IL18RAP: variants seen among roughly 807,000 people sequenced by gnomAD.
IL18RAP encodes the protein interleukin-18 receptor accessory protein.
IL18RAP carries 37 observed loss-of-function variants against 58.1 expected under a neutral mutation model. The observed-to-expected ratio is 0.64, with a 90% CI of 0.49 to 0.84. IL18RAP has a LOEUF of 0.84. Ranked by LOEUF, IL18RAP falls within the 40% of genes least tolerant of loss-of-function variation. The probability of loss-of-function intolerance (pLI) is 0.00; values close to 1 mark genes in which losing one functional copy is unlikely to be tolerated. For missense variants in IL18RAP, 667 were observed against 704.8 expected (o/e 0.95, Z 0.61); for synonymous variants, 268 against 257.5 (o/e 1.04, Z -0.39).
At chr2:102,429,485 T>A (rs1402958132) in intron 3 of IL18RAP, among the ~76,000 whole-genome samples, 1 of 152,112 alleles carries the variant, frequency 6.6e-6, no homozygotes, top group East Asian at 1.9e-4. Flanking sequence ...TAAGAGTTTG[T>A]TAATTTTGTT....
At chr2:102,443,388 T>C in intron 6 of IL18RAP, 65 bp downstream of exon 6, 1 of 1,566,200 alleles carries the variant, frequency 6.4e-7, no homozygotes, top group Non-Finnish European at 8.6e-7. Flanking sequence ...CCTTTAGAAA[T>C]GCCTAAAGTA....
At chr2:102,421,684 G>A (rs1377414023), upstream of IL18RAP, among the ~76,000 whole-genome samples, 1 of 152,188 alleles carries the variant, frequency 6.6e-6, no homozygotes, top group Non-Finnish European at 1.5e-5. Flanking sequence ...GCATTGCACA[G>A]AACCCCCTTT....
In IL18RAP at chr2:102,450,983, G is replaced by T; in HGVS notation, c.1346G>T (p.Ser449Ile). ...PDVLENKYGYSLCLLERDVAP... is the reference protein window; with the variant it reads ...PDVLENKYGYILCLLERDVAP... ...GTTTTAGAAAACAAATATGGATATA[G>T]CCTGTGTTTGCTTGAAAGAGATGTG... Residue 449 changes from serine (S) to isoleucine (I), a missense_variant, in exon 9 of 10, where the codon AGC (serine) becomes ATC (isoleucine). Transcript: ENST00000687160. 6.2e-7 allele frequency: 1 copy of T among 1,606,762 alleles called. No individual in the cohort carries two copies. The highest frequency in any genetic ancestry group is 1.1e-5 in the South Asian group (1 of 88,454).
rs1443893019 is a variant in IL18RAP at position 102,423,315 on chromosome 2, C to CAAAA, written c.39_40insAAAA (p.Gly14LysfsTer6). The CAAAA allele has an allele frequency of 5.8e-5, 94 of 1,613,924 alleles. No individual in the cohort carries two copies. The highest frequency in any genetic ancestry group is 8.0e-5 in the Non-Finnish European group (94 of 1,179,958). ...GGCTGGATATTTCTTTGGCTTGTTG[C>CAAAA]AGGAGAGCGAATTAAAGGATTTAAT... On this transcript the variant is annotated frameshift_variant, in exon 1 of 10. Transcript: ENST00000687160. LOFTEE classifies it high-confidence loss of function.
chr2:102,423,317 G>A lies in IL18RAP; in HGVS notation c.40G>A (p.Gly14Arg), dbSNP rs1242434668. The A allele has an allele frequency of 5.8e-5, 93 of 1,613,986 alleles. No individual in the cohort carries two copies. The highest frequency in any genetic ancestry group is 7.9e-5 in the Non-Finnish European group (93 of 1,179,974). The part of the protein sequence containing the change: ...LGWIFLWLVA[G>R]ERIKGFNISG... Reference sequence around the variant, plus strand: ...CTGGATATTTCTTTGGCTTGTTGCAGGAGAGCGAATTAAAGGATTTAATAT... The same window carrying A: ...CTGGATATTTCTTTGGCTTGTTGCAAGAGAGCGAATTAAAGGATTTAATAT... Residue 14 changes from glycine (G) to arginine (R), a missense_variant, in exon 1 of 10, where the codon GGA (glycine) becomes AGA (arginine). By Grantham distance (125) the Gly-to-Arg change is moderately radical. Transcript: ENST00000687160.
chr2:102,440,984 G>A (rs1683069091), intron 4 of IL18RAP, among the ~76,000 whole-genome samples: 1 of 152,150 alleles, frequency 6.6e-6, no homozygotes, highest in South Asian at 2.1e-4. Context: ...CAGCCAGATG[G>A]CACCACAAAG....
chr2:102,427,290 T>C (rs1406714237), intron 3 of IL18RAP, among the ~76,000 whole-genome samples: 1 of 152,128 alleles, frequency 6.6e-6, no homozygotes, highest in African/African-American at 2.4e-5. Context: ...TGCTGAATCA[T>C]ATGGTAGCTC....
At chr2:102,433,607 A>G (rs1400336306) in intron 3 of IL18RAP, among the ~76,000 whole-genome samples, 3 of 151,970 alleles carry the variant, frequency 2.0e-5, no homozygotes, top group Admixed American at 2.0e-4. Context: ...GCACTGAGCT[A>G]GAGACTTGGC....
At chr2:102,427,005 A>G (rs1198283764) in intron 3 of IL18RAP, among the ~76,000 whole-genome samples, 1 of 152,140 alleles carries the variant, frequency 6.6e-6, no homozygotes, top group African/African-American at 2.4e-5. Context: ...GAGCTCTTGC[A>G]GCATTTGTCT....
intron 4 of IL18RAP, among the ~76,000 whole-genome samples, chr2:102,441,058 G>T (rs1454999980): frequency 6.6e-6 from 1 of 152,188 alleles, no homozygotes; most frequent in East Asian, 1.9e-4. Flanking sequence ...TAGTGTGAAA[G>T]AGAATGCACA....
At chr2:102,446,008 C>T (rs534271012) in intron 7 of IL18RAP, among the ~76,000 whole-genome samples, 1 of 152,314 alleles carries the variant, frequency 6.6e-6, no homozygotes, top group Non-Finnish European at 1.5e-5. Flanking sequence ...AGTAAACGCT[C>T]TGTGAAGGGG....
At chr2:102,446,322 G>A (rs1202776340) in intron 7 of IL18RAP, among the ~76,000 whole-genome samples, 1 of 152,000 alleles carries the variant, frequency 6.6e-6, no homozygotes, top group African/African-American at 2.4e-5. Context: ...GGTTTTGGGG[G>A]TACAGGTGGT....
At chr2:102,433,582 C>T (rs771921202) in intron 3 of IL18RAP, among the ~76,000 whole-genome samples, 2 of 151,588 alleles carry the variant, frequency 1.3e-5, no homozygotes, top group African/African-American at 2.4e-5. Flanking sequence ...TAGGCTAGAG[C>T]GCATCTAGCT....
chr2:102,451,045 A>G, intron 9 of IL18RAP, 24 bp downstream of exon 9: 3 of 1,559,094 alleles, frequency 1.9e-6, no homozygotes, highest in Non-Finnish European at 2.6e-6. Context: ...GTCAAGAAAA[A>G]CTGCAGTGCA....
chr2:102,437,048 C>T (rs1682794181), intron 3 of IL18RAP, among the ~76,000 whole-genome samples, 164 bp from the exon 4 acceptor site: 1 of 152,246 alleles, frequency 6.6e-6, no homozygotes, highest in East Asian at 1.9e-4. Flanking sequence ...TTCAAATCTA[C>T]AAGTACAGTT....
At chr2:102,421,926 C>A (rs1254945059), upstream of IL18RAP, among the ~76,000 whole-genome samples, 1 of 152,146 alleles carries the variant, frequency 6.6e-6, no homozygotes, top group African/African-American at 2.4e-5. Context: ...AGTCCATGCA[C>A]CCTCTCCTCA....
At position 102,449,578 on chromosome 2, in the gene IL18RAP, GT is replaced by G. The variant is rs1421148171; in HGVS notation, c.1211-1268del. On this transcript the variant is annotated intron_variant, in intron 8 of 9. Coordinates refer to ENST00000687160, the MANE Select transcript of IL18RAP (RefSeq NM_001393487.1). The stretch of plus-strand genomic sequence containing the variant: ...CAAGCACGGGGATGCAGTGCCCTCT[GT>G]TGGCCAACCTAACATTTTTTAGCAA... 2.6e-5 allele frequency among the ~76,000 whole-genome samples: 4 copies of G among 152,268 alleles called. No individual in the cohort carries two copies. The East Asian group carries it at 5.8e-4, about 22-fold the overall frequency.
At chr2:102,428,396 AT>A (rs1553403435) in intron 3 of IL18RAP, among the ~76,000 whole-genome samples, 2 of 136,544 alleles carry the variant, frequency 1.5e-5, no homozygotes, top group Non-Finnish European at 3.1e-5. Flanking sequence ...TTTTTTTATA[AT>A]TTTCAGTATA....
In IL18RAP at chr2:102,441,375, T is replaced by G. The variant is rs200911053; in HGVS notation, c.794T>G (p.Leu265Arg). Residue 265 changes from leucine to arginine, a missense_variant and splice_region_variant, in exon 5 of 10, where the codon CTT becomes CGT. Coordinates refer to ENST00000687160, the MANE Select transcript of IL18RAP (RefSeq NM_001393487.1). ...DPVEDTLEVE[L>R]GKPLTISCKA... ...GTCGAGGACACACTGGAAGTAGAAC[T>G]TGGTAAGCTGGGCCTCATCGCCTTT... 1 of 1,612,736 alleles carries G rather than the reference T, an allele frequency of 6.2e-7. No homozygotes were observed. The highest frequency in any genetic ancestry group is 8.5e-7 in the Non-Finnish European group (1 of 1,179,044).
Sources: allele counts gnomAD v4.1 joint callset (sites outside exome capture counted in the v4.1 genomes callset), GRCh38; gene constraint gnomAD v4.1.1; transcripts MANE v1.5; gene names NCBI Gene and HGNC (gene_info 2026-07-23, HGNC 2026-07-21).